BRCA1: variants seen among roughly 807,000 people sequenced by gnomAD.
BRCA1 encodes the protein breast cancer type 1 susceptibility protein.
A neutral mutation model predicts 173.7 loss-of-function variants in BRCA1; 140 were observed. That is an observed-to-expected ratio of 0.81 (90% CI 0.70 to 0.93). The LOEUF (loss-of-function observed/expected upper bound fraction) is 0.93. Ranked by LOEUF, BRCA1 falls within the 40% of genes least tolerant of loss-of-function variation. The pLI, the probability that BRCA1 is intolerant of heterozygous loss-of-function variation, is 0.00. For missense variants in BRCA1, 1,983 were observed against 2,172.5 expected (o/e 0.91, Z 1.73); for synonymous variants, 662 against 756.0 (o/e 0.88, Z 2.04).
chr17:43,093,197 G>A lies in BRCA1; in HGVS notation c.2334C>T (p.Gly778=), dbSNP rs777404687. 2.5e-6 allele frequency: 4 copies of A among 1,613,830 alleles called. No homozygotes were observed. In the Admixed American group the frequency reaches 6.7e-5, roughly 27 times the overall value. Residue 778 remains glycine, a synonymous_variant, in exon 10 of 23, where the codon GGC becomes GGT. Transcript: ENST00000357654. ...SISLVPGTDY[G]TQESISLLEV... ...CCAGTAACGAGATACTTTCCTGAGT[G>A]CCATAATCAGTACCAGGTACCAATG...
intron 14 of BRCA1, 23 bp from the exon 15 acceptor site, chr17:43,071,261 A>G (rs2153904185): frequency 1.9e-6 from 3 of 1,606,772 alleles, no homozygotes; most frequent in Non-Finnish European, 2.6e-6. Flanking sequence ...GGAGAAGTTT[A>G]ATTTACACAA....
upstream of BRCA1, among the ~76,000 whole-genome samples, chr17:43,128,023 CAAAAAAAAAAAAAA>C (rs61243891): frequency 0.026 from 656 of 24,994 alleles, 9 homozygotes; most frequent in Non-Finnish European, 0.036. Flanking sequence ...GACTCCATCT[CAAAAAAAAAAAAAA>C]AAAAAAAAAA....
In BRCA1 at chr17:43,139,006, G is replaced by C; in HGVS notation, c.-19-14891C>G. 11 of 774,848 alleles carry C rather than the reference G, an allele frequency of 1.4e-5. No homozygotes were observed. In the South Asian group the frequency reaches 1.5e-4, roughly 10 times the overall value. 48.0% of individuals were successfully genotyped at this position (774,848 alleles called of 1,614,324 possible). On this transcript the variant is annotated intron_variant, in intron 1 of 7. Transcript: ENST00000634433. ...GCCCCTCCAATGAAAAGCACTAATTGCCTATATACAACCCCTTTTTGTTTG... is the reference window on the plus strand; with the variant it reads ...GCCCCTCCAATGAAAAGCACTAATTCCCTATATACAACCCCTTTTTGTTTG...
At chr17:43,101,439 C>T (rs997196454) in intron 6 of BRCA1, among the ~76,000 whole-genome samples, 2 of 152,122 alleles carry the variant, frequency 1.3e-5, no homozygotes, top group African/African-American at 4.8e-5. Flanking sequence ...TCGAGATCCA[C>T]CCGCCTTGGC....
intron 11 of BRCA1, chr17:43,082,799 C>A (rs758554027): frequency 3.5e-6 from 2 of 578,340 alleles, no homozygotes; most frequent in Non-Finnish European, 6.1e-6. Flanking sequence ...CTCAAATTCC[C>A]CCAAATAGAC....
At chr17:43,119,102 A>T (rs959197560) in intron 2 of BRCA1, 1 of 214,112 alleles carries the variant, frequency 4.7e-6, no homozygotes, top group African/African-American at 2.3e-5. Flanking sequence ...TCCAGGCAAG[A>T]TATCAAAGAA....
chr17:43,055,103 A>T (rs2051405159), intron 19 of BRCA1, among the ~76,000 whole-genome samples: 1 of 152,120 alleles, frequency 6.6e-6, no homozygotes, highest in Non-Finnish European at 1.5e-5. Context: ...AGAAAAGCAG[A>T]CTGGGAACAT....
In BRCA1 at chr17:43,074,446, T is replaced by C. The variant is rs761293595; in HGVS notation, c.4560A>G (p.Arg1520=). Residue 1520 remains arginine (R), a synonymous_variant, in exon 14 of 23, where the codon AGA becomes AGG. Coordinates refer to ENST00000357654, the MANE Select transcript of BRCA1 (RefSeq NM_007294.4). ...TGAGCTCCTCTTGAGATGGGTAGTTTCTATTCTGAAGACTCCCAGAGCAAC... is the reference window on the plus strand; with the variant it reads ...TGAGCTCCTCTTGAGATGGGTAGTTCCTATTCTGAAGACTCCCAGAGCAAC... ...MHSCSGSLQN[R]NYPSQEELIK... is the part of the protein sequence containing the mutation. 1 of 1,614,160 alleles carries C rather than the reference T, an allele frequency of 6.2e-7. No individual in the cohort carries two copies. Among genetic ancestry groups the C allele is most frequent in the Non-Finnish European group, 8.5e-7 (1 of 1,180,010 alleles).
chr17:43,049,243 A>C, intron 20 of BRCA1, 49 bp from the exon 21 acceptor site: 1 of 1,545,912 alleles, frequency 6.5e-7, no homozygotes, highest in African/African-American at 1.4e-5. Context: ...CTGCATACTT[A>C]ACCCAGGCCC....
intron 1 of BRCA1, chr17:43,145,197 C>T (rs191317924): frequency 1.1e-4 from 78 of 709,942 alleles, no homozygotes; most frequent in African/African-American, 1.1e-3. Context: ...ACAGGGGAAA[C>T]GAAAACTGAG....
In BRCA1 at chr17:43,115,757, CA is replaced by C. The variant is rs886039922; in HGVS notation, c.102del (p.Val35SerfsTer15). 1 of 1,613,624 alleles carries C rather than the reference CA, an allele frequency of 6.2e-7. No homozygotes were observed. The highest frequency in any genetic ancestry group is 8.5e-7 in the Non-Finnish European group (1 of 1,179,784). Reference sequence around the variant, plus strand: ...AATATGTGGTCACACTTTGTGGAGACAGGTTCCTTGATCAACTCCAGACTAG... The same window carrying C: ...AATATGTGGTCACACTTTGTGGAGACGGTTCCTTGATCAACTCCAGACTAG... ...CPICLELIKE[P>X]VSTKCDHIFC... On this transcript the variant is annotated frameshift_variant, in exon 3 of 23. Transcript: ENST00000357654. LOFTEE classifies it high-confidence loss of function.
At position 43,120,036 on chromosome 17, in the gene BRCA1, A is replaced by G. The variant is rs1205463420; in HGVS notation, c.80+3981T>C. On this transcript the variant is annotated intron_variant, in intron 2 of 22. Transcript: ENST00000357654. ...ATTCAAATATTTTAAACACTTTTCA[A>G]ACCAGGCAATATTTTAGGCCTACTG... Among the ~76,000 whole-genome samples, 8 of 152,358 alleles carry G rather than the reference A, an allele frequency of 5.3e-5. No individual in the cohort carries two copies. In the South Asian group the frequency reaches 1.4e-3, roughly 28 times the overall value.
At chr17:43,052,972 G>A (rs1442247081) in intron 19 of BRCA1, among the ~76,000 whole-genome samples, 3 of 151,596 alleles carry the variant, frequency 2.0e-5, no homozygotes, top group Non-Finnish European at 4.4e-5. Context: ...CACCTCCTGG[G>A]TTCAAGTGAT....
upstream of BRCA1, among the ~76,000 whole-genome samples, chr17:43,129,406 A>G (rs557636084): frequency 2.2e-4 from 33 of 152,206 alleles, 1 homozygote; most frequent in South Asian, 8.3e-4. Flanking sequence ...TTAATTTCCA[A>G]TTGTGTAATT....
At chr17:43,142,944 A>C (rs1337610764) in intron 1 of BRCA1, among the ~76,000 whole-genome samples, 1 of 145,168 alleles carries the variant, frequency 6.9e-6, no homozygotes, top group South Asian at 2.2e-4. Flanking sequence ...GTGTGTGTAT[A>C]TATATATGTG....
chr17:43,056,413 A>C (rs2153277001), intron 19 of BRCA1, among the ~76,000 whole-genome samples: 1 of 152,266 alleles, frequency 6.6e-6, no homozygotes, highest in East Asian at 1.9e-4. Context: ...TCCTTGGCTC[A>C]AGCGATCTGC....
At chr17:43,067,445 G>C (rs186100538) in intron 16 of BRCA1, 163 bp downstream of exon 16, 2 of 567,624 alleles carry the variant, frequency 3.5e-6, no homozygotes, top group East Asian at 3.3e-5. Context: ...TAGTAGAGAC[G>C]GGGTTTCACC....
intron 1 of BRCA1, among the ~76,000 whole-genome samples, chr17:43,143,758 G>A (rs1190978996): frequency 6.6e-6 from 1 of 152,064 alleles, no homozygotes; most frequent in African/African-American, 2.4e-5. Context: ...GAGAGGCTAG[G>A]GCAGTACACG....
chr17:43,106,457 T>C lies in BRCA1; in HGVS notation c.211A>G (p.Arg71Gly), dbSNP rs80357382. Residue 71 changes from arginine (R) to glycine (G), a missense_variant and splice_region_variant, in exon 4 of 23, where the codon AGG becomes GGG. Transcript: ENST00000357654. ...CPLCKNDITK[R>G]SLQESTRFSQ... ...TAGCATCATTACCAAATTATATACC[T>C]TTTGGTTATATCATTCTTACATAAA... 1.3e-6 allele frequency: 2 copies of C among 1,580,162 alleles called. No homozygotes were observed. Among genetic ancestry groups the C allele is most frequent in the Non-Finnish European group, 1.7e-6 (2 of 1,150,962 alleles).
Sources: allele counts gnomAD v4.1 joint callset (sites outside exome capture counted in the v4.1 genomes callset), GRCh38; gene constraint gnomAD v4.1.1; transcripts MANE v1.5; gene names NCBI Gene and HGNC (gene_info 2026-07-23, HGNC 2026-07-21).